Variants in CPNE8 observed in about 807,000 individuals in gnomAD.
CPNE8 encodes the protein copine 8.
CPNE8 carries 45 observed loss-of-function variants against 81.5 expected under a neutral mutation model. That is an observed-to-expected ratio of 0.55 (90% confidence interval 0.44 to 0.71). The LOEUF is 0.71. Ranked by LOEUF, CPNE8 falls within the 30% of genes least tolerant of loss-of-function variation. CPNE8 has a pLI of 0.00. For synonymous variants in CPNE8, 252 were observed against 226.3 expected (o/e 1.11, Z -1.02); for missense variants, 594 against 672.1 (o/e 0.88, Z 1.28).
intron 6 of CPNE8, among the ~76,000 whole-genome samples, chr12:38,800,160 T>C (rs1942623436): frequency 8.4e-6 from 1 of 119,542 alleles, no homozygotes; most frequent in Admixed American, 9.0e-5. Flanking sequence ...CCACCACAAC[T>C]CAAGGAGGCC....
At chr12:38,685,405 T>C (rs1246574236) in intron 16 of CPNE8, 85 bp downstream of exon 16, 5 of 1,422,614 alleles carry the variant, frequency 3.5e-6, no homozygotes, top group African/African-American at 1.4e-5. Flanking sequence ...ACAACTTTCA[T>C]GTGTGGAGTC....
At chr12:38,807,761 T>C (rs2136978081) in intron 6 of CPNE8, among the ~76,000 whole-genome samples, 1 of 151,342 alleles carries the variant, frequency 6.6e-6, no homozygotes, top group East Asian at 1.9e-4. Context: ...CGGGATCTAA[T>C]TAAACTAAAG....
intron 3 of CPNE8, among the ~76,000 whole-genome samples, chr12:38,867,301 G>A (rs1943928221): frequency 7.1e-6 from 1 of 140,950 alleles, no homozygotes; most frequent in Non-Finnish European, 1.5e-5. Flanking sequence ...TTGTTGAATA[G>A]TATAGTGTGT....
chr12:38,671,485 T>C (rs908024656), intron 18 of CPNE8, among the ~76,000 whole-genome samples: 3 of 152,228 alleles, frequency 2.0e-5, no homozygotes, highest in Non-Finnish European at 4.4e-5. Flanking sequence ...CAGCTGGTGA[T>C]ACAGTAATGC....
intron 15 of CPNE8, among the ~76,000 whole-genome samples, chr12:38,693,248 T>A (rs1684396): frequency 0.11 from 16,026 of 152,006 alleles, 1,040 homozygotes; most frequent in East Asian, 0.25. Context: ...ATTCCAGGCA[T>A]CTCTAGCCAT....
chr12:38,847,172 A>G (rs956562073), intron 4 of CPNE8, among the ~76,000 whole-genome samples: 1 of 152,152 alleles, frequency 6.6e-6, no homozygotes, highest in African/African-American at 2.4e-5. Context: ...TAAAGTTTGC[A>G]ATAAATATTT....
chr12:38,767,170 A>G (rs1330049465), intron 8 of CPNE8, among the ~76,000 whole-genome samples: 1 of 152,112 alleles, frequency 6.6e-6, no homozygotes, highest in Non-Finnish European at 1.5e-5. Context: ...ATTTATAGAA[A>G]CTAGTCTAAT....
intron 18 of CPNE8, 176 bp from the exon 19 acceptor site, chr12:38,670,978 A>G: frequency 1.9e-6 from 1 of 518,244 alleles, no homozygotes; most frequent in South Asian, 2.6e-5. Context: ...TTAAGTGTGC[A>G]TTTTACAGAC....
At chr12:38,775,688 G>A (rs1286164547) in intron 7 of CPNE8, among the ~76,000 whole-genome samples, 1 of 152,164 alleles carries the variant, frequency 6.6e-6, no homozygotes, top group Non-Finnish European at 1.5e-5. Context: ...AAGTAGCAAT[G>A]TTCTAAAAAT....
At chr12:38,770,132 T>G (rs561231641) in intron 7 of CPNE8, among the ~76,000 whole-genome samples, 1 of 152,214 alleles carries the variant, frequency 6.6e-6, no homozygotes, top group Admixed American at 6.5e-5. Flanking sequence ...ACTCCACATA[T>G]AAGGACCATT....
intron 14 of CPNE8, among the ~76,000 whole-genome samples, chr12:38,701,004 T>C (rs573902964): frequency 8.1e-4 from 123 of 152,308 alleles, no homozygotes; most frequent in African/African-American, 2.9e-3. Flanking sequence ...ATTAGCAGCA[T>C]GAGAGAAGAC....
chr12:38,677,010 C>T (rs1939305021), intron 17 of CPNE8, among the ~76,000 whole-genome samples: 1 of 151,714 alleles, frequency 6.6e-6, no homozygotes, highest in Non-Finnish European at 1.5e-5. Flanking sequence ...AAAAAACATA[C>T]AATTAGGAAT....
chr12:38,668,595 A>G (rs11169056), intron 19 of CPNE8, among the ~76,000 whole-genome samples: 15,932 of 152,204 alleles, frequency 0.1, 1,037 homozygotes, highest in East Asian at 0.24. Flanking sequence ...GAACAGCAAC[A>G]TAACATTCTA....
intron 6 of CPNE8, among the ~76,000 whole-genome samples, chr12:38,796,333 C>G (rs962440434): frequency 6.6e-6 from 1 of 151,594 alleles, no homozygotes; most frequent in Non-Finnish European, 1.5e-5. Context: ...AAGGAAAAGA[C>G]AAAAATATTT....
chr12:38,833,774 G>A (rs185702343), intron 5 of CPNE8, among the ~76,000 whole-genome samples: 17 of 152,008 alleles, frequency 1.1e-4, no homozygotes, highest in East Asian at 5.8e-4. Flanking sequence ...CACCGCACCC[G>A]GCCACCAATT....
chr12:38,873,888 T>C (rs769666777), intron 2 of CPNE8, among the ~76,000 whole-genome samples: 1 of 152,182 alleles, frequency 6.6e-6, no homozygotes, highest in Non-Finnish European at 1.5e-5. Flanking sequence ...AACACTTTGG[T>C]TCATATCAGA....
chr12:38,836,786 C>A (rs1943387292), intron 5 of CPNE8, among the ~76,000 whole-genome samples: 1 of 152,090 alleles, frequency 6.6e-6, no homozygotes, highest in African/African-American at 2.4e-5. Context: ...CTTCAAAAAT[C>A]CTCATGAATT....
rs183851070 is a variant in CPNE8 at position 38,652,691 on chromosome 12, G to C, written c.*1191C>G. ...ATTCCGTGAGAATTTAAGGCCATTT[G>C]TTCTAAAGAAATGCTTTAATTTAGA... On this transcript the variant is annotated 3_prime_UTR_variant, in exon 20 of 20. Transcript: ENST00000331366. 39 of 152,670 alleles carry C rather than the reference G, an allele frequency of 2.6e-4. No individual in the cohort carries two copies. The highest frequency in any genetic ancestry group is 2.0e-3 in the Admixed American group (31 of 15,296). The allele number at this position is 152,670 out of a possible 1,614,324, so 9.5% of individuals were successfully genotyped here.
In CPNE8 at chr12:38,762,191, C is replaced by T; in HGVS notation, c.601G>A (p.Val201Ile). The T allele has an allele frequency of 3.1e-6, 5 of 1,600,676 alleles. No homozygotes were observed. The highest frequency in any genetic ancestry group is 3.4e-6 in the Non-Finnish European group (4 of 1,172,894). Residue 201 changes from valine (V) to isoleucine (I), a missense_variant, in exon 9 of 20, where the codon GTT (valine) becomes ATT (isoleucine). Physicochemically the swap from Val to Ile is conservative, Grantham distance 29. Transcript: ENST00000331366. The part of the protein sequence containing the change: ...GSFTICHKTE[V>I]VKNTLNPVWQ... ...ACTGGATTTAGAGTGTTTTTGACAACTTCTGTCTTGTGACAAATTGTAAAA... is the reference window on the plus strand; with the variant it reads ...ACTGGATTTAGAGTGTTTTTGACAATTTCTGTCTTGTGACAAATTGTAAAA...
Sources: gnomAD v4.1 joint callset for allele counts (sites outside exome capture counted in the v4.1 genomes callset) on GRCh38, gnomAD v4.1.1 for gene constraint, MANE v1.5 for transcripts, NCBI Gene and HGNC (gene_info 2026-07-23, HGNC 2026-07-21) for gene names.